LRRC37A2: variants seen among roughly 807,000 people sequenced by gnomAD.
LRRC37A2 encodes the protein leucine-rich repeat-containing protein 37A2.
Under a neutral mutation model 68.8 loss-of-function variants are expected in LRRC37A2, and 9 were observed. The observed-to-expected ratio is 0.13, with a 90% confidence interval of 0.08 to 0.23. The LOEUF (loss-of-function observed/expected upper bound fraction) is 0.23. Among genes scored for constraint, LRRC37A2 ranks in the 10% least tolerant of loss-of-function variants. The pLI, the probability that LRRC37A2 is intolerant of heterozygous loss-of-function variation, is 1.00. For missense variants in LRRC37A2, 168 were observed against 950.4 expected, an observed-to-expected ratio of 0.18 and a Z score of 10.82; for synonymous variants, 63 against 367.6, an observed-to-expected ratio of 0.17 and a Z score of 9.48.
the LRRC37A2 span, among the ~76,000 whole-genome samples, chr17:47,031,009 AT>A: frequency 6.8e-3 from 1,037 of 151,916 alleles, 15 homozygotes; most frequent in African/African-American, 0.023. Context: ...TGTAGTCATA[AT>A]TTTTTTAATG....
At chr17:46,766,171 G>A in the LRRC37A2 span, among the ~76,000 whole-genome samples, 1 of 152,168 alleles carries the variant, frequency 6.6e-6, no homozygotes, top group African/African-American at 2.4e-5. Context: ...CACTTTGAGG[G>A]GCCAAGACGG....
chr17:46,934,230 TAC>T, the LRRC37A2 span, among the ~76,000 whole-genome samples: 1 of 139,876 alleles, frequency 7.1e-6, no homozygotes, highest in Non-Finnish European at 1.5e-5. Flanking sequence ...CAAGTTATTC[TAC>T]CTCTCTGGGC....
the LRRC37A2 span, among the ~76,000 whole-genome samples, chr17:46,840,688 G>A: frequency 2.0e-5 from 3 of 152,016 alleles, no homozygotes; most frequent in South Asian, 2.1e-4. Context: ...TTTAATGGTC[G>A]CCATTCTAAC....
the LRRC37A2 span, among the ~76,000 whole-genome samples, chr17:46,972,241 C>G: frequency 6.6e-6 from 1 of 152,196 alleles, no homozygotes. Context: ...CCCGCTTCTT[C>G]CTCCTCTCTT....
At chr17:46,784,742 C>A in the LRRC37A2 span, among the ~76,000 whole-genome samples, 1 of 151,548 alleles carries the variant, frequency 6.6e-6, no homozygotes, top group Admixed American at 6.6e-5. Context: ...GCCACTGTGC[C>A]CCTACCTCCT....
chr17:46,832,280 C>T, the LRRC37A2 span, among the ~76,000 whole-genome samples: 1 of 152,144 alleles, frequency 6.6e-6, no homozygotes, highest in African/African-American at 2.4e-5. Flanking sequence ...GGAGCCCCCA[C>T]CCCGGGCCGG....
the LRRC37A2 span, among the ~76,000 whole-genome samples, chr17:46,798,771 T>G: frequency 6.6e-6 from 1 of 152,096 alleles, no homozygotes; most frequent in East Asian, 1.9e-4. Context: ...CCTGATAGGC[T>G]GGGCGCAGTG....
chr17:47,000,530 G>A, the LRRC37A2 span, among the ~76,000 whole-genome samples: 12 of 151,900 alleles, frequency 7.9e-5, no homozygotes, highest in African/African-American at 1.7e-4. Context: ...CACCGTGCCC[G>A]GCCCACGATT....
At chr17:46,994,367 T>G in the LRRC37A2 span, among the ~76,000 whole-genome samples, 1 of 142,126 alleles carries the variant, frequency 7.0e-6, no homozygotes, top group African/African-American at 2.6e-5. Context: ...CCTGGGCAAC[T>G]ACAGTGAAAC....
the LRRC37A2 span, among the ~76,000 whole-genome samples, chr17:46,950,282 T>C: frequency 0.45 from 67,734 of 151,820 alleles, 15,336 homozygotes; most frequent in South Asian, 0.52. Context: ...CCCCAGAGAG[T>C]GTGGACTCTC....
chr17:46,846,444 A>C, the LRRC37A2 span, among the ~76,000 whole-genome samples: 1 of 152,244 alleles, frequency 6.6e-6, no homozygotes, highest in African/African-American at 2.4e-5. Flanking sequence ...CAGTCTACAC[A>C]TAGCAGGGAT....
the LRRC37A2 span, among the ~76,000 whole-genome samples, chr17:47,030,063 A>AAATAAT: frequency 0.015 from 1,121 of 75,272 alleles, 39 homozygotes; most frequent in East Asian, 0.021. Flanking sequence ...ACTCTGTCTC[A>AAATAAT]AATAATAATA....
chr17:46,532,069 G>T (rs979847919), intron 6 of LRRC37A2, among the ~76,000 whole-genome samples: 1 of 150,524 alleles, frequency 6.6e-6, no homozygotes. Context: ...GGGCAACAGA[G>T]TGAGACTCCA....
the LRRC37A2 span, among the ~76,000 whole-genome samples, chr17:46,856,259 G>C: frequency 2.0e-5 from 3 of 152,142 alleles, no homozygotes; most frequent in Non-Finnish European, 1.5e-5. Context: ...CTATCTGAGA[G>C]GTGAGGGTGA....
the LRRC37A2 span, among the ~76,000 whole-genome samples, chr17:46,690,655 G>A: frequency 1.6e-5 from 2 of 123,068 alleles, no homozygotes; most frequent in East Asian, 4.4e-4. Context: ...TATAGGGATG[G>A]GAAAGGGTTT....
the LRRC37A2 span, among the ~76,000 whole-genome samples, chr17:46,803,777 A>G: frequency 2.6e-5 from 4 of 152,226 alleles, no homozygotes; most frequent in Admixed American, 2.6e-4. Context: ...GGCCACAGGC[A>G]GTGTGGCCTG....
chr17:46,925,030 A>C, the LRRC37A2 span, among the ~76,000 whole-genome samples: 12 of 152,208 alleles, frequency 7.9e-5, no homozygotes, highest in Admixed American at 5.9e-4. Flanking sequence ...ATGGCTCAGA[A>C]GAGGAATTCT....
the LRRC37A2 span, chr17:46,979,043 C>G: frequency 7.3e-7 from 1 of 1,371,674 alleles, no homozygotes; most frequent in Non-Finnish European, 9.3e-7. Context: ...CGCGCAGTCC[C>G]GGGTGCACTG....
At chr17:46,886,262 A>G in the LRRC37A2 span, 1 of 152,262 alleles carries the variant, frequency 6.6e-6, no homozygotes, top group Non-Finnish European at 1.5e-5. Flanking sequence ...CTTTATAACT[A>G]TCCCATTTAC....
Sources: allele counts gnomAD v4.1 joint callset (sites outside exome capture counted in the v4.1 genomes callset), GRCh38; gene constraint gnomAD v4.1.1; transcripts MANE v1.5; gene names NCBI Gene and HGNC (gene_info 2026-07-23, HGNC 2026-07-21).